SGTB: variants seen among roughly 807,000 people sequenced by gnomAD.
SGTB encodes the protein small glutamine-rich tetratricopeptide repeat-containing protein beta.
Under a neutral mutation model 43.9 loss-of-function variants are expected in SGTB, and 19 were observed. That is an observed-to-expected ratio of 0.43 (90% CI 0.30 to 0.63). The LOEUF is 0.63. Ranked by LOEUF, SGTB falls within the 30% of genes least tolerant of loss-of-function variation. SGTB has a pLI of 0.12. For synonymous variants in SGTB, 116 were observed against 117.3 expected, an observed-to-expected ratio of 0.99 and a Z score of 0.07; for missense variants, 304 against 358.9, an observed-to-expected ratio of 0.85 and a Z score of 1.24.
At chr5:65,687,966 G>A (rs369977328) in intron 5 of SGTB, among the ~76,000 whole-genome samples, 2 of 151,896 alleles carry the variant, frequency 1.3e-5, no homozygotes, top group African/African-American at 2.4e-5. Flanking sequence ...ACAGGGTTTC[G>A]CCATGTTGGC....
In SGTB at chr5:65,666,074, AGTCT is replaced by A. The variant is rs545248734; in HGVS notation, c.*4168_*4171del. The A allele has an allele frequency of 2.0e-5, 3 of 152,722 alleles. No individual in the cohort carries two copies. Among genetic ancestry groups the A allele is most frequent in the South Asian group, 2.1e-4 (1 of 4,834 alleles). The allele number at this position is 152,722 out of a possible 1,614,324, so 9.5% of individuals were successfully genotyped here. ...TAAAGTGCAAGCAGTGTAAAATTGA[AGTCT>A]GTCTTTGTTTCAAAATGATTAAGAT... On this transcript the variant is annotated 3_prime_UTR_variant, in exon 11 of 11. Coordinates refer to ENST00000381007, the MANE Select transcript of SGTB (RefSeq NM_019072.3).
intron 8 of SGTB, among the ~76,000 whole-genome samples, chr5:65,678,802 A>T (rs1248466065): frequency 6.6e-6 from 1 of 152,222 alleles, no homozygotes; most frequent in Non-Finnish European, 1.5e-5. Context: ...GAGAAAATTG[A>T]AACTGGACCC....
At chr5:65,715,124 C>A (rs1579888327) in intron 2 of SGTB, among the ~76,000 whole-genome samples, 1 of 152,088 alleles carries the variant, frequency 6.6e-6, no homozygotes, top group Admixed American at 6.5e-5. Flanking sequence ...AATTAAATAA[C>A]CTGGGTACAA....
At chr5:65,693,110 C>T (rs924736690) in intron 5 of SGTB, among the ~76,000 whole-genome samples, 10 of 151,950 alleles carry the variant, frequency 6.6e-5, no homozygotes, top group African/African-American at 2.4e-4. Flanking sequence ...ATGAGACTTG[C>T]TTGAACCTGG....
intron 2 of SGTB, among the ~76,000 whole-genome samples, chr5:65,717,390 G>A (rs1483114892): frequency 6.6e-6 from 1 of 151,656 alleles, no homozygotes; most frequent in Non-Finnish European, 1.5e-5. Flanking sequence ...ATCCAGTAGG[G>A]TATGAAAATT....
intron 5 of SGTB, among the ~76,000 whole-genome samples, chr5:65,703,907 AGGCGCCTGTAGTCCC>A (rs1757870150): frequency 6.6e-6 from 1 of 150,848 alleles, no homozygotes; most frequent in Non-Finnish European, 1.5e-5. Context: ...GCGTGGTGAC[AGGCGCCTGTAGTCCC>A]GGCTACTTGG....
chr5:65,669,526 T>C lies in SGTB; in HGVS notation c.*720A>G, dbSNP rs1227448328. The stretch of plus-strand genomic sequence containing the variant: ...TAAGTGGCCATGCTAATATTATCAA[T>C]ACCAAACTGCAGACAAGATTAGTTA... On this transcript the variant is annotated 3_prime_UTR_variant, in exon 11 of 11. Transcript: ENST00000381007. The C allele has an allele frequency of 1.3e-5, 2 of 152,206 alleles. No individual in the cohort carries two copies. Among genetic ancestry groups the C allele is most frequent in the Non-Finnish European group, 2.9e-5 (2 of 68,036 alleles). 9.4% of individuals were successfully genotyped at this position (152,206 alleles called of 1,614,324 possible). A position where few individuals can be genotyped will look rare whatever the true frequency, so the allele number is the denominator to read the frequency against.
At chr5:65,673,924 G>C (rs1205363003) in intron 8 of SGTB, among the ~76,000 whole-genome samples, 1 of 152,144 alleles carries the variant, frequency 6.6e-6, no homozygotes, top group Non-Finnish European at 1.5e-5. Flanking sequence ...CCAAAGTGCT[G>C]GGATTACAGG....
upstream of SGTB, chr5:65,722,209 G>T: frequency 2.8e-6 from 1 of 355,464 alleles, no homozygotes; most frequent in Non-Finnish European, 4.9e-6. Flanking sequence ...GCTGGTAGGC[G>T]CCGGCGTGGA....
intron 9 of SGTB, 57 bp from the exon 10 acceptor site, chr5:65,672,055 C>A (rs2150701755): frequency 6.3e-7 from 1 of 1,598,100 alleles, no homozygotes; most frequent in Non-Finnish European, 8.6e-7. Flanking sequence ...ACAAATAGGA[C>A]AACTGGACGA....
At chr5:65,692,077 A>T (rs1403667856) in intron 5 of SGTB, among the ~76,000 whole-genome samples, 13 of 152,146 alleles carry the variant, frequency 8.5e-5, no homozygotes, top group Non-Finnish European at 1.9e-4. Flanking sequence ...GCGAATTTTT[A>T]AAAAATTAAC....
intron 5 of SGTB, among the ~76,000 whole-genome samples, chr5:65,686,808 T>C (rs1340840812): frequency 6.6e-6 from 1 of 152,194 alleles, no homozygotes; most frequent in Non-Finnish European, 1.5e-5. Context: ...ATAAAGCTGA[T>C]TAAAACACCA....
intron 10 of SGTB, 102 bp downstream of exon 10, chr5:65,671,813 A>G: frequency 9.4e-7 from 1 of 1,067,066 alleles, no homozygotes; most frequent in Non-Finnish European, 1.4e-6. Context: ...TACTAACGGT[A>G]AAAGATAAAC....
intron 6 of SGTB, among the ~76,000 whole-genome samples, chr5:65,681,211 C>G (rs1757390199): frequency 1.3e-5 from 2 of 152,074 alleles, no homozygotes; most frequent in Non-Finnish European, 2.9e-5. Flanking sequence ...TCAAAATGGC[C>G]TACATGCTTT....
chr5:65,707,260 C>CA (rs201961321), intron 4 of SGTB, among the ~76,000 whole-genome samples: 4,108 of 149,078 alleles, frequency 0.028, 175 homozygotes, highest in African/African-American at 0.094. Flanking sequence ...GACTCTGTCT[C>CA]AAAAAAAACA....
chr5:65,707,781 A>G (rs1200846762), intron 4 of SGTB, among the ~76,000 whole-genome samples: 1 of 152,126 alleles, frequency 6.6e-6, no homozygotes, highest in Non-Finnish European at 1.5e-5. Context: ...GTATGAAATA[A>G]AGAAAAGGCT....
intron 8 of SGTB, among the ~76,000 whole-genome samples, chr5:65,673,184 A>G (rs1214927967): frequency 1.3e-5 from 2 of 152,224 alleles, no homozygotes; most frequent in African/African-American, 4.8e-5. Context: ...TAAGTTCTAT[A>G]AAATGACCTC....
chr5:65,704,404 A>T (rs1041490302), intron 4 of SGTB, 26 bp from the exon 5 acceptor site: 1 of 1,525,152 alleles, frequency 6.6e-7, no homozygotes, highest in African/African-American at 1.4e-5. Context: ...CAGTATGTAC[A>T]GTAAGTATAA....
chr5:65,721,043 T>C (rs1758263702), intron 1 of SGTB, among the ~76,000 whole-genome samples: 2 of 152,312 alleles, frequency 1.3e-5, no homozygotes, highest in South Asian at 4.1e-4. Context: ...TAATACCCAG[T>C]GGTATACGAG....
Sources: gnomAD v4.1 joint callset for allele counts (sites outside exome capture counted in the v4.1 genomes callset) on GRCh38, gnomAD v4.1.1 for gene constraint, MANE v1.5 for transcripts, NCBI Gene and HGNC (gene_info 2026-07-23, HGNC 2026-07-21) for gene names.